ACAN: variants seen among roughly 807,000 people sequenced by gnomAD.
The protein encoded by ACAN is aggrecan, also known as aggrecan core protein.
ACAN carries 47 observed loss-of-function variants against 169.1 expected under a neutral mutation model. That is an observed-to-expected ratio of 0.28 (90% confidence interval 0.22 to 0.35). ACAN has a LOEUF of 0.35. Ranked by LOEUF, ACAN falls within the 10% of genes least tolerant of loss-of-function variation. The pLI is 1.00. For missense variants in ACAN, 2,716 were observed against 2,759.9 expected, an observed-to-expected ratio of 0.98 and a Z score of 0.36; for synonymous variants, 1,115 against 1,112.2, an observed-to-expected ratio of 1.00 and a Z score of -0.05.
chr15:88,835,300 A>T (rs1348675374), intron 1 of ACAN, among the ~76,000 whole-genome samples: 2 of 152,122 alleles, frequency 1.3e-5, no homozygotes, highest in Admixed American at 6.5e-5. Context: ...TGAGCAACTC[A>T]TCACTTCTCT....
intron 2 of ACAN, among the ~76,000 whole-genome samples, chr15:88,836,740 A>G (rs1204188366): frequency 6.6e-6 from 1 of 152,240 alleles, no homozygotes; most frequent in Non-Finnish European, 1.5e-5. Context: ...CCTTTTCTGC[A>G]AACCATCCTC....
At chr15:88,815,289 T>C (rs1895910682) in intron 1 of ACAN, among the ~76,000 whole-genome samples, 1 of 152,134 alleles carries the variant, frequency 6.6e-6, no homozygotes, top group African/African-American at 2.4e-5. Flanking sequence ...CCAGGCGCAG[T>C]GGCTCATGCC....
At chr15:88,847,543 A>G (rs920207939) in intron 8 of ACAN, 126 bp downstream of exon 8, 4 of 1,171,788 alleles carry the variant, frequency 3.4e-6, no homozygotes, top group Non-Finnish European at 1.2e-6. Flanking sequence ...TGAATTAGTG[A>G]CTCAACTGAG....
chr15:88,811,298 A>G (rs755024950), intron 1 of ACAN, among the ~76,000 whole-genome samples: 4 of 152,166 alleles, frequency 2.6e-5, no homozygotes, highest in Non-Finnish European at 4.4e-5. Flanking sequence ...TTTTTCCTAA[A>G]GCAGATGGAG....
Position 88,845,520 on chromosome 15 carries a change from A to G in ACAN, c.1067A>G (p.Asp356Gly). The G allele has an allele frequency of 6.2e-7, 1 of 1,608,404 alleles. No individual in the cohort carries two copies. The highest frequency in any genetic ancestry group is 8.5e-7 in the Non-Finnish European group (1 of 1,175,882). ...AICYTGEDFV[D>G]IPENFFGVGG... ...CCTCCCCTAGGTGAAGACTTTGTGG[A>G]CATCCCAGAAAACTTCTTTGGAGTG... Residue 356 changes from aspartate (D) to glycine (G), a missense_variant, in exon 7 of 19, where the codon GAC (aspartate) becomes GGC (glycine). Around this residue, in one of 3 missense-constraint regions of ACAN, gnomAD observed 1,283 missense variants for 1,281.5 expected, o/e 1.00. Transcript: ENST00000560601.
In ACAN at chr15:88,855,365, A is replaced by G; in HGVS notation, c.2780A>G (p.Glu927Gly). Residue 927 changes from glutamate (E) to glycine (G), a missense_variant, in exon 12 of 19, where the codon GAG (glutamate) becomes GGG (glycine). Around this residue, in one of 3 missense-constraint regions of ACAN, gnomAD observed 1,283 missense variants for 1,281.5 expected, o/e 1.00. Coordinates refer to ENST00000560601, the MANE Select transcript of ACAN (RefSeq NM_001369268.1). ...CCCTCAGGGGATGAAGAGAGAATTG[A>G]GTGGCCCAGCACTCCTACGGTTGGT... ...GLPSGDEERIEWPSTPTVGEL... is the reference protein window; with the variant it reads ...GLPSGDEERIGWPSTPTVGEL... 6.2e-7 allele frequency: 1 copy of G among 1,612,786 alleles called. No individual in the cohort carries two copies. Among genetic ancestry groups the G allele is most frequent in the Admixed American group, 1.7e-5 (1 of 59,998 alleles).
At chr15:88,834,558 G>A (rs1896452128) in intron 1 of ACAN, among the ~76,000 whole-genome samples, 1 of 152,228 alleles carries the variant, frequency 6.6e-6, no homozygotes, top group Admixed American at 6.5e-5. Context: ...GGAATGCCAC[G>A]GGCGAGAGTT....
intron 1 of ACAN, among the ~76,000 whole-genome samples, chr15:88,817,216 G>A (rs572686880): frequency 2.0e-5 from 3 of 152,168 alleles, no homozygotes; most frequent in East Asian, 3.9e-4. Context: ...ATCTTGGCTC[G>A]CTGCAACCTC....
Position 88,873,753 on chromosome 15 carries a change from G to A in ACAN, c.7448-89G>A. 1 of 1,382,784 alleles carries A rather than the reference G, an allele frequency of 7.2e-7. No individual in the cohort carries two copies. The highest frequency in any genetic ancestry group is 2.5e-5 in the East Asian group (1 of 40,716). The allele number at this position is 1,382,784 out of a possible 1,614,324, so 85.7% of individuals were successfully genotyped here. A position where few individuals can be genotyped will look rare whatever the true frequency, so the allele number is the denominator to read the frequency against. Reference sequence around the variant, plus strand: ...GGGCTCACTGTCAGATGTTGAGGCTGTGTCCCCCACAGTGCCTCGGGTCAC... The same window carrying A: ...GGGCTCACTGTCAGATGTTGAGGCTATGTCCCCCACAGTGCCTCGGGTCAC... On this transcript the variant is annotated intron_variant, in intron 17 of 18. Coordinates refer to ENST00000560601, the MANE Select transcript of ACAN (RefSeq NM_001369268.1). The surrounding 1 kb of genome is among the most constrained non-coding windows in gnomAD (Gnocchi z 7.5).
chr15:88,846,736 C>A (rs1024557675), intron 7 of ACAN, among the ~76,000 whole-genome samples: 1 of 152,218 alleles, frequency 6.6e-6, no homozygotes, highest in Non-Finnish European at 1.5e-5. Flanking sequence ...TGCTTTTATA[C>A]AAATACTACA....
rs1029792175 is a variant in ACAN at position 88,870,564 on chromosome 15, A to G, written c.7061-818A>G. Among the ~76,000 whole-genome samples, 1 of 152,142 alleles carries G rather than the reference A, an allele frequency of 6.6e-6. No individual in the cohort carries two copies. The highest frequency in any genetic ancestry group is 2.4e-5 in the African/African-American group (1 of 41,424). On this transcript the variant is annotated intron_variant, in intron 14 of 18. Coordinates refer to ENST00000560601, the MANE Select transcript of ACAN (RefSeq NM_001369268.1). The surrounding 1 kb of genome is among the most constrained non-coding windows in gnomAD (Gnocchi z 6.3). ...GCGAGGTTGAGAGGAGACACTAACAATGAGCTCTCTCAAAGCTGAGTGAGC... is the reference window on the plus strand; with the variant it reads ...GCGAGGTTGAGAGGAGACACTAACAGTGAGCTCTCTCAAAGCTGAGTGAGC...
At chr15:88,813,696 G>A (rs1354489359) in intron 1 of ACAN, among the ~76,000 whole-genome samples, 1 of 152,190 alleles carries the variant, frequency 6.6e-6, no homozygotes, top group East Asian at 1.9e-4. Flanking sequence ...CATCTTTTGA[G>A]CCGCAGGGTC....
chr15:88,874,552 A>T lies in ACAN; in HGVS notation c.*71A>T, dbSNP rs1344010554. 7.4e-7 allele frequency: 1 copy of T among 1,348,244 alleles called. No homozygotes were observed. Among genetic ancestry groups the T allele is most frequent in the South Asian group, 1.2e-5 (1 of 80,014 alleles). The allele number at this position is 1,348,244 out of a possible 1,614,324, so 83.5% of individuals were successfully genotyped here. On this transcript the variant is annotated 3_prime_UTR_variant, in exon 19 of 19. Transcript: ENST00000560601. This position sits in a 1 kb window ranked among gnomAD's most constrained non-coding sequence, Gnocchi z 7.3. ...CCAGGCTGACGTGCATCCCACCCAG[A>T]CGGTGTCCTCTTCTTGTCGCTTTTT... is the stretch of plus-strand genomic sequence containing the variant.
chr15:88,824,331 C>A (rs4332725), intron 1 of ACAN, among the ~76,000 whole-genome samples: 47,585 of 111,444 alleles, frequency 0.43, 8,592 homozygotes, highest in East Asian at 0.71. Flanking sequence ...AAAAAAAAAA[C>A]AACAACAACA....
chr15:88,855,293 G>A lies in ACAN; in HGVS notation c.2708G>A (p.Gly903Asp), dbSNP rs779024114. The change falls in exon 12 of 19, where the codon GGT becomes GAT. Residue 903 changes from glycine to aspartate, a missense_variant. This residue lies in a region of ACAN where 1,283 missense variants were observed against 1,281.5 expected (regional missense o/e 1.00). Coordinates refer to ENST00000560601, the MANE Select transcript of ACAN (RefSeq NM_001369268.1). ...CCCTCTGGAGACCTGGACTCCAGTGGTCTTACTTCCACAGTGGGCTCAGGC... is the reference window on the plus strand; with the variant it reads ...CCCTCTGGAGACCTGGACTCCAGTGATCTTACTTCCACAGTGGGCTCAGGC... ...GLPSGDLDSS[G>D]LTSTVGSGLP... 7 of 1,611,324 alleles carry A rather than the reference G, an allele frequency of 4.3e-6. No homozygotes were observed. In the African/African-American group the frequency reaches 9.3e-5, roughly 22 times the overall value.
intron 1 of ACAN, among the ~76,000 whole-genome samples, chr15:88,808,973 A>C (rs1359232788): frequency 1.3e-5 from 2 of 152,232 alleles, no homozygotes; most frequent in East Asian, 3.8e-4. Flanking sequence ...TTGAAATCCT[A>C]GCTGTATCCC....
At chr15:88,864,131 T>C (rs2141623332) in intron 13 of ACAN, among the ~76,000 whole-genome samples, 1 of 152,228 alleles carries the variant, frequency 6.6e-6, no homozygotes, top group Non-Finnish European at 1.5e-5. Flanking sequence ...GAGCCATGGT[T>C]GTGCCACTGC....
At chr15:88,829,180 G>A (rs191176454) in intron 1 of ACAN, among the ~76,000 whole-genome samples, 2 of 152,172 alleles carry the variant, frequency 1.3e-5, no homozygotes, top group South Asian at 2.1e-4. Flanking sequence ...TCAAAGATAC[G>A]GAAAAAGACA....
intron 1 of ACAN, among the ~76,000 whole-genome samples, chr15:88,822,032 C>A (rs1256843110): frequency 6.6e-6 from 1 of 152,218 alleles, no homozygotes; most frequent in Non-Finnish European, 1.5e-5. Flanking sequence ...TGTGCAACAT[C>A]CACAGAGTCT....
Sources: gnomAD v4.1 joint callset for allele counts (sites outside exome capture counted in the v4.1 genomes callset) on GRCh38, gnomAD v4.1.1 for gene constraint, gnomAD v4.1.1 regional missense constraint, Gnocchi (gnomAD v3.1) non-coding constraint, MANE v1.5 for transcripts, NCBI Gene and HGNC (gene_info 2026-07-23, HGNC 2026-07-21) for gene names.